The following LARP4B variants were observed in gnomAD, a reference collection of about 807,000 sequenced individuals.
LARP4B encodes the protein La ribonucleoprotein 4B.
Under a neutral mutation model 89.8 loss-of-function variants are expected in LARP4B, and 12 were observed. That is an observed-to-expected ratio of 0.13 (90% CI 0.09 to 0.22). LARP4B has a LOEUF of 0.22. LARP4B is among the 10% of genes least tolerant of loss of function. The pLI is 1.00. For missense variants in LARP4B, 757 were observed against 947.7 expected (o/e 0.80, Z 2.64); for synonymous variants, 367 against 363.3 (o/e 1.01, Z -0.12).
intron 1 of LARP4B, among the ~76,000 whole-genome samples, chr10:929,909 C>T (rs1436895763): frequency 6.6e-6 from 1 of 152,122 alleles, no homozygotes; most frequent in Non-Finnish European, 1.5e-5. Flanking sequence ...TGATGCCTTT[C>T]GGAACGCATT....
chr10:900,420 CTTTTTTT>C (rs529963345), intron 1 of LARP4B, among the ~76,000 whole-genome samples: 93 of 45,230 alleles, frequency 2.1e-3, no homozygotes, highest in South Asian at 2.8e-3. Flanking sequence ...AGAAGGATGT[CTTTTTTT>C]TTTTTTTTTT....
the LARP4B span, among the ~76,000 whole-genome samples, chr10:975,841 C>T: frequency 2.6e-5 from 4 of 151,104 alleles, no homozygotes; most frequent in African/African-American, 4.9e-5. Context: ...CGTGTGGACC[C>T]GGCCTAGTAG....
chr10:934,503 GAAAAAA>G (rs907781145), upstream of LARP4B, among the ~76,000 whole-genome samples: 1 of 151,884 alleles, frequency 6.6e-6, no homozygotes, highest in African/African-American at 2.4e-5. Flanking sequence ...AAAAGAAAAA[GAAAAAA>G]ACTAAAACTA....
At chr10:928,503 C>T (rs1467800781) in intron 1 of LARP4B, among the ~76,000 whole-genome samples, 1 of 152,162 alleles carries the variant, frequency 6.6e-6, no homozygotes, top group Non-Finnish European at 1.5e-5. Context: ...CAAAAACTTG[C>T]AAATCTATGT....
upstream of LARP4B, among the ~76,000 whole-genome samples, chr10:934,540 T>C (rs1255549987): frequency 6.6e-6 from 1 of 152,110 alleles, no homozygotes; most frequent in Non-Finnish European, 1.5e-5. Flanking sequence ...ATCTCTTCTT[T>C]CTCTTCGTAT....
intron 3 of LARP4B, among the ~76,000 whole-genome samples, chr10:876,072 G>C (rs1835438201): frequency 6.6e-6 from 1 of 152,144 alleles, no homozygotes; most frequent in Non-Finnish European, 1.5e-5. Flanking sequence ...AAAATACAAT[G>C]GTGGGACAGG....
At chr10:906,629 C>A (rs1306474316) in intron 1 of LARP4B, among the ~76,000 whole-genome samples, 1 of 152,218 alleles carries the variant, frequency 6.6e-6, no homozygotes, top group Non-Finnish European at 1.5e-5. Flanking sequence ...CTTCTGTTCA[C>A]AACCATATGC....
chr10:901,489 G>A (rs1236056641), intron 1 of LARP4B, among the ~76,000 whole-genome samples: 1 of 152,156 alleles, frequency 6.6e-6, no homozygotes, highest in Non-Finnish European at 1.5e-5. Flanking sequence ...ATATACTCAA[G>A]TGAATCTGTA....
chr10:916,742 G>T (rs1836833321), intron 1 of LARP4B, among the ~76,000 whole-genome samples: 1 of 152,202 alleles, frequency 6.6e-6, no homozygotes, highest in African/African-American at 2.4e-5. Context: ...CTGTTGTGCA[G>T]ATTAGAGTGC....
At chr10:857,931 A>G (rs1310448485) in intron 5 of LARP4B, among the ~76,000 whole-genome samples, 1 of 152,240 alleles carries the variant, frequency 6.6e-6, no homozygotes. Context: ...AACAACTGAT[A>G]AAAACATCAA....
intron 1 of LARP4B, among the ~76,000 whole-genome samples, chr10:886,786 CAG>C (rs1835869391): frequency 6.6e-6 from 1 of 152,124 alleles, no homozygotes; most frequent in South Asian, 2.1e-4. Context: ...TACATAGAAA[CAG>C]AGAATAAAAT....
At chr10:933,422 C>A (rs956566304), upstream of LARP4B, among the ~76,000 whole-genome samples, 2 of 152,106 alleles carry the variant, frequency 1.3e-5, no homozygotes, top group African/African-American at 4.8e-5. Context: ...TATAATTTTT[C>A]GTACTCAGCG....
chr10:883,239 C>T (rs1008888712), intron 3 of LARP4B, among the ~76,000 whole-genome samples: 40 of 152,292 alleles, frequency 2.6e-4, no homozygotes, highest in Admixed American at 7.2e-4. Context: ...GCACCGGGCA[C>T]GGTGGCTCAT....
chr10:952,339 CAAAAAAAAAA>C, the LARP4B span, among the ~76,000 whole-genome samples: 2 of 16,952 alleles, frequency 1.2e-4, no homozygotes, highest in Non-Finnish European at 2.0e-4. Flanking sequence ...GACTCCATCT[CAAAAAAAAAA>C]AAAAAAAAAA....
At chr10:882,166 T>C (rs759524734) in intron 3 of LARP4B, among the ~76,000 whole-genome samples, 1 of 152,172 alleles carries the variant, frequency 6.6e-6, no homozygotes, top group Admixed American at 6.5e-5. Flanking sequence ...TGGTGATGAT[T>C]ACACAACTCA....
intron 5 of LARP4B, among the ~76,000 whole-genome samples, chr10:849,966 G>A (rs1035350285): frequency 5.9e-5 from 9 of 152,182 alleles, no homozygotes; most frequent in African/African-American, 1.4e-4. Flanking sequence ...CTAAGGAGAC[G>A]TAACAATGAA....
At chr10:946,376 G>A in the LARP4B span, among the ~76,000 whole-genome samples, 2 of 152,324 alleles carry the variant, frequency 1.3e-5, no homozygotes, top group East Asian at 3.9e-4. Flanking sequence ...TGCCTCTAAA[G>A]CGAAAATACA....
chr10:881,207 G>A (rs531630884), intron 3 of LARP4B, among the ~76,000 whole-genome samples: 11 of 152,250 alleles, frequency 7.2e-5, no homozygotes, highest in African/African-American at 2.4e-4. Context: ...AGAACCCATC[G>A]CTGTGGCCCA....
rs58452748 is a variant in LARP4B, at chr10:897,987, C to CAAAAAA, written c.-39-12233_-39-12228dup. Among the ~76,000 whole-genome samples, 43 of 25,642 alleles carry CAAAAAA rather than the reference C, an allele frequency of 1.7e-3. 1 individual carries two copies. The highest frequency in any genetic ancestry group is 4.6e-3 in the African/African-American group (26 of 5,612). 16.8% of individuals were successfully genotyped at this position (25,642 alleles called of 152,430 possible). On this transcript the variant is annotated intron_variant, in intron 1 of 17. Coordinates refer to ENST00000316157, the MANE Select transcript of LARP4B (RefSeq NM_015155.3). ...TGGGCGACAAAGCGAGGCTCCATCT[C>CAAAAAA]AAAAAAAAAAAAAAAAAAAAAAAAA...
Sources: gnomAD v4.1 joint callset for allele counts (sites outside exome capture counted in the v4.1 genomes callset) on GRCh38, gnomAD v4.1.1 for gene constraint, MANE v1.5 for transcripts, NCBI Gene and HGNC (gene_info 2026-07-23, HGNC 2026-07-21) for gene names.